LMF1: variants seen among roughly 807,000 people sequenced by gnomAD.
LMF1 encodes the protein lipase maturation factor 1, also known as transmembrane protein 112.
In LMF1, 68 loss-of-function variants were observed where a neutral mutation model predicts 60.6. That is an observed-to-expected ratio of 1.12 (90% CI 0.92 to 1.37). The LOEUF is 1.37. LMF1 is among the 40% of genes most tolerant of loss of function. The probability of loss-of-function intolerance (pLI) is 0.00; values close to 1 mark genes in which losing one functional copy is unlikely to be tolerated. For missense variants in LMF1, 948 were observed against 767.2 expected (o/e 1.24, Z -2.78); for synonymous variants, 418 against 324.7 (o/e 1.29, Z -3.09).
intron 1 of LMF1, chr16:968,530 A>G (rs2151494923): frequency 6.6e-6 from 1 of 152,378 alleles, no homozygotes; most frequent in East Asian, 1.9e-4. Context: ...AGTAAAATCC[A>G]GAACTTTCTA....
At chr16:946,933 T>C (rs2072251771) in intron 2 of LMF1, among the ~76,000 whole-genome samples, 2 of 152,184 alleles carry the variant, frequency 1.3e-5, no homozygotes, top group South Asian at 4.1e-4. Context: ...TGAGAGACGC[T>C]CACCCACCTG....
At chr16:870,645 C>G (rs759546461) in intron 8 of LMF1, 84 bp downstream of exon 8, 5 of 1,526,610 alleles carry the variant, frequency 3.3e-6, no homozygotes, top group Non-Finnish European at 4.5e-6. Context: ...GGGGCCTGCA[C>G]TGTAACCCCA....
intron 2 of LMF1, among the ~76,000 whole-genome samples, chr16:936,623 A>G (rs1277048792): frequency 1.3e-5 from 2 of 152,122 alleles, no homozygotes; most frequent in African/African-American, 4.8e-5. Context: ...GAGAGAGGGC[A>G]CTCTGTGGGC....
Position 853,748 on chromosome 16 carries a change from A to T in LMF1, c.*784T>A. On this transcript the variant is annotated 3_prime_UTR_variant, in exon 11 of 11. Coordinates refer to ENST00000262301, the MANE Select transcript of LMF1 (RefSeq NM_022773.4). ...AGTAGACGCTGTTTGTCCGACGATG[A>T]TGAAAGTGTGCACGGCCGGCTGTCC... The T allele has an allele frequency of 2.2e-6, 1 of 454,164 alleles. No homozygotes were observed. The highest frequency in any genetic ancestry group is 4.4e-6 in the Non-Finnish European group (1 of 226,802). The allele number at this position is 454,164 out of a possible 1,614,324, so 28.1% of individuals were successfully genotyped here. A position where few individuals can be genotyped will look rare whatever the true frequency, so the allele number is the denominator to read the frequency against.
chr16:857,556 G>A (rs1468757922), intron 10 of LMF1, among the ~76,000 whole-genome samples: 1 of 116,104 alleles, frequency 8.6e-6, no homozygotes, highest in African/African-American at 4.3e-5. Flanking sequence ...GTGGTGTCAC[G>A]GGACGGGTGT....
intron 10 of LMF1, among the ~76,000 whole-genome samples, chr16:859,926 G>A (rs149908972): frequency 7.3e-6 from 1 of 137,130 alleles, no homozygotes; most frequent in Non-Finnish European, 1.5e-5. Context: ...TCACGGGATC[G>A]GTGTGAGTGG....
chr16:918,258 G>A (rs1030873295), intron 3 of LMF1, among the ~76,000 whole-genome samples: 2 of 152,154 alleles, frequency 1.3e-5, no homozygotes, highest in African/African-American at 4.8e-5. Flanking sequence ...TGACCCCTGC[G>A]CCCGGCCGCG....
chr16:934,156 G>A (rs1567269717), intron 3 of LMF1, 88 bp downstream of exon 3: 1 of 1,595,576 alleles, frequency 6.3e-7, no homozygotes, highest in East Asian at 2.2e-5. Context: ...CTAAGGAAGG[G>A]GAGAGGCCAG....
At chr16:869,532 C>T in intron 9 of LMF1, 1 of 571,030 alleles carries the variant, frequency 1.8e-6, no homozygotes, top group Non-Finnish European at 3.3e-6. Context: ...TCAATCGATC[C>T]TTCCTCCTCC....
At chr16:968,761 C>T (rs2072977785) in intron 1 of LMF1, 1 of 152,226 alleles carries the variant, frequency 6.6e-6, no homozygotes, top group Admixed American at 6.5e-5. Context: ...GGCTTAAAAG[C>T]AGTTCCTTCT....
At chr16:900,481 ATTTAT>A (rs1326324465) in intron 4 of LMF1, 2 of 151,190 alleles carry the variant, frequency 1.3e-5, no homozygotes, top group African/African-American at 2.4e-5. Flanking sequence ...ATCTTATTTT[ATTTAT>A]TTTATTATTT....
chr16:854,815 G>T, intron 10 of LMF1, 109 bp from the exon 11 acceptor site: 1 of 1,059,278 alleles, frequency 9.4e-7, no homozygotes, highest in Non-Finnish European at 1.4e-6. Context: ...CCCACGGACA[G>T]AGGGGCTGCA....
intron 3 of LMF1, among the ~76,000 whole-genome samples, chr16:928,567 G>A (rs1385735812): frequency 6.6e-6 from 1 of 152,082 alleles, no homozygotes; most frequent in Non-Finnish European, 1.5e-5. Context: ...TCCTCTGTAT[G>A]CCCCCAGCTG....
At chr16:895,314 C>T (rs2070632083) in intron 4 of LMF1, among the ~76,000 whole-genome samples, 1 of 152,242 alleles carries the variant, frequency 6.6e-6, no homozygotes, top group Non-Finnish European at 1.5e-5. Flanking sequence ...CTCCCCAGGT[C>T]AGCCCATCAC....
intron 3 of LMF1, among the ~76,000 whole-genome samples, chr16:929,164 C>T (rs1165675601): frequency 1.3e-5 from 2 of 152,214 alleles, no homozygotes; most frequent in African/African-American, 2.4e-5. Flanking sequence ...CCCAGCTGCC[C>T]CAGGCCTGGG....
chr16:971,741 G>A (rs976966322), upstream of LMF1, among the ~76,000 whole-genome samples: 3 of 152,196 alleles, frequency 2.0e-5, no homozygotes, highest in African/African-American at 7.2e-5. Context: ...GTGCTAGGAA[G>A]GGCTGGGGTC....
chr16:929,523 G>T (rs1370884849), intron 3 of LMF1, among the ~76,000 whole-genome samples: 1 of 152,236 alleles, frequency 6.6e-6, no homozygotes, highest in Admixed American at 6.5e-5. Context: ...GGTCCTCTCG[G>T]GTTCCCGCAT....
At chr16:870,482 G>A (rs2069750133) in intron 8 of LMF1, among the ~76,000 whole-genome samples, 1 of 152,210 alleles carries the variant, frequency 6.6e-6, no homozygotes, top group Non-Finnish European at 1.5e-5. Context: ...GGCATTCCAG[G>A]GCCGCAGCCC....
At position 878,408 on chromosome 16, in the gene LMF1, A is replaced by G. The variant is rs1344220271; in HGVS notation, c.897+1162T>C. Among the ~76,000 whole-genome samples, 1 of 151,866 alleles carries G rather than the reference A, an allele frequency of 6.6e-6. No homozygotes were observed. The highest frequency in any genetic ancestry group is 1.5e-5 in the Non-Finnish European group (1 of 67,986). On this transcript the variant is annotated intron_variant, in intron 6 of 10. Transcript: ENST00000262301. The surrounding 1 kb of genome is among the most constrained non-coding windows in gnomAD (Gnocchi z 5.2). The stretch of plus-strand genomic sequence containing the variant: ...CAGAGTGAGGGTCCTTGCTGGGGGG[A>G]GGGGTCAAGAACAGCACAGCCACCC...
Sources: allele counts gnomAD v4.1 joint callset (sites outside exome capture counted in the v4.1 genomes callset), GRCh38; gene constraint gnomAD v4.1.1; non-coding constraint Gnocchi (gnomAD v3.1); transcripts MANE v1.5; gene names NCBI Gene and HGNC (gene_info 2026-07-23, HGNC 2026-07-21).